The following EGFLAM variants were observed in gnomAD, a reference collection of about 807,000 sequenced individuals.
EGFLAM encodes EGF like, fibronectin type III and laminin G domains.
Under a neutral mutation model 113.1 loss-of-function variants are expected in EGFLAM, and 79 were observed. The observed-to-expected ratio is 0.70, with a 90% confidence interval of 0.58 to 0.84. The LOEUF (loss-of-function observed/expected upper bound fraction) is 0.84. Ranked by LOEUF, EGFLAM falls within the 40% of genes least tolerant of loss-of-function variation. The pLI is 0.00. For synonymous variants in EGFLAM, 504 were observed against 487.6 expected, an observed-to-expected ratio of 1.03 and a Z score of -0.44; for missense variants, 1,265 against 1,291.6, an observed-to-expected ratio of 0.98 and a Z score of 0.32.
chr5:38,463,106 C>T, intron 21 of EGFLAM, 95 bp downstream of exon 21: 3 of 1,190,284 alleles, frequency 2.5e-6, no homozygotes, highest in African/African-American at 3.1e-5. Flanking sequence ...TTTGCTGGAT[C>T]AAATACCTGT....
At chr5:38,316,368 C>G (rs1413545962) in intron 1 of EGFLAM, among the ~76,000 whole-genome samples, 1 of 152,080 alleles carries the variant, frequency 6.6e-6, no homozygotes, top group Admixed American at 6.5e-5. Context: ...ATGTGTTACT[C>G]CCCAAGGGCC....
chr5:38,300,372 TCTC>T (rs1362390698), intron 1 of EGFLAM, among the ~76,000 whole-genome samples: 1 of 137,702 alleles, frequency 7.3e-6, no homozygotes, highest in African/African-American at 2.9e-5. Context: ...TCTATCTCTC[TCTC>T]TTTTTTTTTT....
chr5:38,396,834 A>G (rs544493764), intron 6 of EGFLAM, among the ~76,000 whole-genome samples: 2 of 152,234 alleles, frequency 1.3e-5, no homozygotes, highest in Admixed American at 1.3e-4. Context: ...TTGCCTATGT[A>G]TCTCCTCCAT....
chr5:38,374,769 A>G (rs902362462), intron 6 of EGFLAM, among the ~76,000 whole-genome samples: 1 of 152,256 alleles, frequency 6.6e-6, no homozygotes. Context: ...GAGTCAAACC[A>G]TAAACTGAAT....
intron 1 of EGFLAM, among the ~76,000 whole-genome samples, chr5:38,267,051 A>AC (rs1757650838): frequency 1.3e-5 from 2 of 152,328 alleles, no homozygotes; most frequent in South Asian, 2.1e-4. Flanking sequence ...ATATGATCTA[A>AC]CAATAGTCAT....
At chr5:38,459,222 C>T (rs909183747) in intron 20 of EGFLAM, among the ~76,000 whole-genome samples, 1 of 151,960 alleles carries the variant, frequency 6.6e-6, no homozygotes, top group African/African-American at 2.4e-5. Context: ...CAGGGCTGGT[C>T]TCAACCTCCT....
chr5:38,298,464 A>G (rs761544603), intron 1 of EGFLAM, among the ~76,000 whole-genome samples: 14 of 152,042 alleles, frequency 9.2e-5, no homozygotes, highest in Admixed American at 1.3e-4. Flanking sequence ...ACAAGCCCCA[A>G]TTCGTTGGAT....
chr5:38,305,036 A>G (rs1758689327), intron 1 of EGFLAM, among the ~76,000 whole-genome samples: 1 of 152,184 alleles, frequency 6.6e-6, no homozygotes, highest in Non-Finnish European at 1.5e-5. Context: ...AAATAAAGAG[A>G]TGGCAAAAAG....
At chr5:38,401,859 G>T (rs906541381) in intron 6 of EGFLAM, 1 of 152,216 alleles carries the variant, frequency 6.6e-6, no homozygotes, top group Non-Finnish European at 1.5e-5. Context: ...CAAGCAATGG[G>T]CATTTATGCT....
At chr5:38,364,350 G>A (rs1229124728) in intron 5 of EGFLAM, among the ~76,000 whole-genome samples, 3 of 152,156 alleles carry the variant, frequency 2.0e-5, no homozygotes, top group Non-Finnish European at 4.4e-5. Context: ...AGGAAAGAAG[G>A]CTTCTTATGG....
chr5:38,448,240 G>T, intron 17 of EGFLAM, 61 bp from the exon 18 acceptor site: 2 of 1,552,586 alleles, frequency 1.3e-6, no homozygotes, highest in Non-Finnish European at 1.8e-6. Flanking sequence ...TGCCATGTGT[G>T]TGAGTGCAGG....
chr5:38,321,407 G>A (rs10473094), intron 1 of EGFLAM, among the ~76,000 whole-genome samples: 20,971 of 152,112 alleles, frequency 0.14, 1,523 homozygotes, highest in Middle Eastern at 0.15. Flanking sequence ...TGTGTTGCCC[G>A]GTTCCTAAAA....
intron 1 of EGFLAM, among the ~76,000 whole-genome samples, chr5:38,331,773 C>T (rs1279644035): frequency 6.6e-6 from 1 of 152,110 alleles, no homozygotes; most frequent in African/African-American, 2.4e-5. Flanking sequence ...TTCTTTTTAG[C>T]ACTGAATAAT....
intron 3 of EGFLAM, among the ~76,000 whole-genome samples, chr5:38,344,422 G>T (rs552758096): frequency 6.6e-6 from 1 of 151,060 alleles, no homozygotes; most frequent in African/African-American, 2.4e-5. Context: ...GGAGGCAGTT[G>T]CAGTGAGCTG....
intron 1 of EGFLAM, among the ~76,000 whole-genome samples, chr5:38,306,466 C>A (rs1269865089): frequency 1.3e-5 from 2 of 152,140 alleles, no homozygotes; most frequent in Non-Finnish European, 2.9e-5. Context: ...TACCGTTCCT[C>A]CCCCATGATG....
chr5:38,406,840 C>A lies in EGFLAM; in HGVS notation c.841C>A (p.Pro281Thr), dbSNP rs756154125. The change falls in exon 8 of 22, where the codon CCT (proline) becomes ACT (threonine). Residue 281 changes from proline (P) to threonine (T), a missense_variant. Coordinates refer to ENST00000322350, the MANE Select transcript of EGFLAM (RefSeq NM_152403.4). ...DISFEEVKPL[P>T]ATKGGNKKFL... ...TCTCTGGCTTTAGGTTAAACCACTT[C>A]CTGCTACCAAAGGAGGGAATAAGAA... The A allele has an allele frequency of 6.2e-7, 1 of 1,613,722 alleles. No homozygotes were observed.
intron 1 of EGFLAM, among the ~76,000 whole-genome samples, chr5:38,281,240 A>G (rs1293162434): frequency 6.6e-6 from 1 of 152,156 alleles, no homozygotes; most frequent in Non-Finnish European, 1.5e-5. Context: ...CCTGTTACAC[A>G]TATTATGCTA....
At chr5:38,407,932 T>G in intron 9 of EGFLAM, 27 bp downstream of exon 9, 1 of 1,542,540 alleles carries the variant, frequency 6.5e-7, no homozygotes, top group East Asian at 2.2e-5. Flanking sequence ...GTTTGATGAG[T>G]GCTTTTTGGA....
chr5:38,437,656 G>A (rs1742392078), intron 16 of EGFLAM, among the ~76,000 whole-genome samples: 1 of 152,172 alleles, frequency 6.6e-6, no homozygotes, highest in African/African-American at 2.4e-5. Flanking sequence ...AGCCCGCCAG[G>A]TGGTTCTAAT....
Sources: gnomAD v4.1 joint callset for allele counts (sites outside exome capture counted in the v4.1 genomes callset) on GRCh38, gnomAD v4.1.1 for gene constraint, MANE v1.5 for transcripts, NCBI Gene and HGNC (gene_info 2026-07-23, HGNC 2026-07-21) for gene names.